Variants in NRIP3 observed in about 807,000 individuals in gnomAD.
NRIP3 encodes nuclear receptor-interacting protein 3.
NRIP3 carries 31 observed loss-of-function variants against 29.0 expected under a neutral mutation model. The observed-to-expected ratio is 1.07, with a 90% CI of 0.80 to 1.44. The LOEUF (loss-of-function observed/expected upper bound fraction) is 1.44, where lower values mean the gene tolerates loss of function less well. NRIP3 is among the 40% of genes most tolerant of loss of function. The pLI, the probability that NRIP3 is intolerant of heterozygous loss-of-function variation, is 0.00. For synonymous variants in NRIP3, 131 were observed against 118.3 expected (o/e 1.11, Z -0.70); for missense variants, 314 against 297.9 (o/e 1.05, Z -0.40).
At position 8,982,289 on chromosome 11, in the gene NRIP3, G is replaced by A. The variant is rs879189112; in HGVS notation, c.*1256C>T. On this transcript the variant is annotated 3_prime_UTR_variant, in exon 7 of 7. Transcript: ENST00000309166. ...ATAAAAAGTTGTCCTTAACATTGCCGGCTCCTGCTCTGCCTCTTTCCTTGT... is the reference window on the plus strand; with the variant it reads ...ATAAAAAGTTGTCCTTAACATTGCCAGCTCCTGCTCTGCCTCTTTCCTTGT... 3 of 152,198 alleles carry A rather than the reference G, an allele frequency of 2.0e-5. No individual in the cohort carries two copies. In the East Asian group the frequency reaches 5.8e-4, roughly 29 times the overall value. 9.4% of individuals were successfully genotyped at this position (152,198 alleles called of 1,614,324 possible).
intron 6 of NRIP3, 138 bp from the exon 7 acceptor site, chr11:8,983,698 G>A: frequency 1.1e-6 from 1 of 902,206 alleles, no homozygotes; most frequent in Admixed American, 2.0e-5. Flanking sequence ...ATTCTGATGT[G>A]TGCACTACAG....
intron 1 of NRIP3, among the ~76,000 whole-genome samples, chr11:8,993,422 T>C (rs1473003795): frequency 6.6e-6 from 1 of 152,198 alleles, no homozygotes; most frequent in African/African-American, 2.4e-5. Context: ...AAATGCTTAT[T>C]TGACCCAAAA....
At chr11:8,988,352 C>A in intron 1 of NRIP3, 70 bp from the exon 2 acceptor site, 2 of 1,325,540 alleles carry the variant, frequency 1.5e-6, no homozygotes, top group South Asian at 1.3e-5. Flanking sequence ...CCCCCAGGTG[C>A]CATAAAAATA....
rs540559655 is a variant in NRIP3, at chr11:9,000,477, T to A, written c.174+3285A>T. ...GTGTTCAACCATCTTTCCCCCAGCA[T>A]CATTCCTAATTCTAGTCAGTTTTGA... On this transcript the variant is annotated intron_variant, in intron 1 of 6. Coordinates refer to ENST00000309166, the MANE Select transcript of NRIP3 (RefSeq NM_020645.3). Among the ~76,000 whole-genome samples the A allele has an allele frequency of 1.6e-4, 24 of 152,330 alleles. No homozygotes were observed. The South Asian group carries it at 4.8e-3, about 30-fold the overall frequency.
chr11:8,983,108 T>C lies in NRIP3; in HGVS notation c.*437A>G. 2 of 435,032 alleles carry C rather than the reference T, an allele frequency of 4.6e-6. No homozygotes were observed. Among genetic ancestry groups the C allele is most frequent in the Non-Finnish European group, 9.1e-6 (2 of 219,918 alleles). 26.9% of individuals were successfully genotyped at this position (435,032 alleles called of 1,614,324 possible). On this transcript the variant is annotated 3_prime_UTR_variant, in exon 7 of 7. Transcript: ENST00000309166. The stretch of plus-strand genomic sequence containing the variant: ...TTGAAGAAACTCTAATTCTAAGACA[T>C]AGGTATCCTGGCACCTGTTTGAAAC...
chr11:9,004,304 G>C (rs959574192), upstream of NRIP3: 1 of 170,224 alleles, frequency 5.9e-6, no homozygotes, highest in Non-Finnish European at 1.2e-5. Context: ...CCGATGCCCT[G>C]GCAGCCCCGG....
intron 2 of NRIP3, 76 bp downstream of exon 2, chr11:8,988,040 ACT>A (rs1854543877): frequency 1.4e-6 from 2 of 1,385,640 alleles, no homozygotes; most frequent in East Asian, 2.3e-5. Context: ...TGAGACCCAC[ACT>A]CTATAAAGTC....
intron 1 of NRIP3, among the ~76,000 whole-genome samples, chr11:9,000,576 T>C (rs982879409): frequency 6.6e-6 from 1 of 152,228 alleles, no homozygotes; most frequent in African/African-American, 2.4e-5. Flanking sequence ...AGTAAGAATA[T>C]GGCCTAATGC....
chr11:8,981,468 A>T lies in NRIP3; in HGVS notation c.*2077T>A, dbSNP rs1409217130. The T allele has an allele frequency of 7.0e-6, 1 of 142,984 alleles. No homozygotes were observed. The highest frequency in any genetic ancestry group is 2.8e-5 in the African/African-American group (1 of 35,178). 8.9% of individuals were successfully genotyped at this position (142,984 alleles called of 1,614,324 possible). A position where few individuals can be genotyped will look rare whatever the true frequency, so the allele number is the denominator to read the frequency against. ...GGGCAACAGAGTGAGACTCTGTCTA[A>T]AAAAAAAAAAAAAAAAAGAATAAAC... On this transcript the variant is annotated 3_prime_UTR_variant, in exon 7 of 7. Transcript: ENST00000309166.
At position 8,988,241 on chromosome 11, in the gene NRIP3, G is replaced by C. The variant is rs761564901; in HGVS notation, c.216C>G (p.Asn72Lys). The C allele has an allele frequency of 1.2e-6, 2 of 1,614,150 alleles. No homozygotes were observed. The highest frequency in any genetic ancestry group is 1.7e-6 in the Non-Finnish European group (2 of 1,180,004). ...NILQRRLMETNLSKLRSGPRV... is the reference protein window; with the variant it reads ...NILQRRLMETKLSKLRSGPRV... The stretch of plus-strand genomic sequence containing the variant: ...GGGGACCGCTTCGGAGCTTAGACAG[G>C]TTGGTTTCCATGAGGCGCCTCTGCA... Residue 72 changes from asparagine to lysine, a missense_variant, in exon 2 of 7, where the codon AAC becomes AAG. By Grantham distance (94) the Asn-to-Lys change is moderately conservative (BLOSUM62 0). Transcript: ENST00000309166.
In NRIP3 at chr11:8,984,284, T is replaced by TG. The variant is rs1854474542; in HGVS notation, c.563-161dup. ...TTTATTTTTTTTTTATTTTTTGAGA[T>TG]GGAGTTTCGCTCTTGTTGCCCAGGC... On this transcript the variant is annotated intron_variant, in intron 4 of 6. Coordinates refer to ENST00000309166, the MANE Select transcript of NRIP3 (RefSeq NM_020645.3). 2.6e-5 allele frequency among the ~76,000 whole-genome samples: 4 copies of TG among 151,892 alleles called. 1 individual carries two copies. In the South Asian group the frequency reaches 8.3e-4, roughly 32 times the overall value.
chr11:9,003,089 C>T (rs1854836582), intron 1 of NRIP3, among the ~76,000 whole-genome samples: 1 of 152,174 alleles, frequency 6.6e-6, no homozygotes, highest in Admixed American at 6.5e-5. Flanking sequence ...TCCAGATGCA[C>T]ACATTAGCTG....
chr11:8,991,049 C>T (rs1382818454), intron 1 of NRIP3, among the ~76,000 whole-genome samples: 1 of 152,114 alleles, frequency 6.6e-6, no homozygotes, highest in Non-Finnish European at 1.5e-5. Flanking sequence ...CACCTGTAAT[C>T]CCAGCACTTT....
rs1005350315 is a variant in NRIP3 at position 8,991,151 on chromosome 11, A to C, written c.175-2869T>G. 4.6e-5 allele frequency among the ~76,000 whole-genome samples: 7 copies of C among 152,078 alleles called. No homozygotes were observed. In the East Asian group the frequency reaches 1.4e-3, roughly 29 times the overall value. On this transcript the variant is annotated intron_variant, in intron 1 of 6. Coordinates refer to ENST00000309166, the MANE Select transcript of NRIP3 (RefSeq NM_020645.3). The stretch of plus-strand genomic sequence containing the variant: ...CCCGTCTCTACTAAAAATACAAAAA[A>C]TTAGCCAGGTGTGGTGGTGGGCGCC...
intron 1 of NRIP3, among the ~76,000 whole-genome samples, chr11:8,993,808 CAAAAA>C (rs35171191): frequency 2.2e-5 from 2 of 92,232 alleles, no homozygotes; most frequent in Non-Finnish European, 4.4e-5. Flanking sequence ...GACCCTGCCT[CAAAAA>C]AAAAAAAAAA....
Position 8,981,174 on chromosome 11 carries a change from A to T in NRIP3, c.*2371T>A, listed in dbSNP as rs1371483388. Reference sequence around the variant, plus strand: ...GAATAATCAACTTGGAGGCATTTAAAGAAAGTGAATGAAGGCCGGGTGCGG... The same window carrying T: ...GAATAATCAACTTGGAGGCATTTAATGAAAGTGAATGAAGGCCGGGTGCGG... On this transcript the variant is annotated 3_prime_UTR_variant, in exon 7 of 7. Transcript: ENST00000309166. 2 of 152,328 alleles carry T rather than the reference A, an allele frequency of 1.3e-5. No homozygotes were observed. The highest frequency in any genetic ancestry group is 4.8e-5 in the African/African-American group (2 of 41,456). The allele number at this position is 152,328 out of a possible 1,614,324, so 9.4% of individuals were successfully genotyped here.
rs2303999 is a variant in NRIP3 at position 8,987,628 on chromosome 11, A to G, written c.342T>C (p.Cys114=). The G allele has an allele frequency of 3.6e-3, 5,811 of 1,612,676 alleles. 266 individuals are homozygous for G. In the East Asian group the frequency reaches 0.1, roughly 29 times the overall value. The change falls in exon 3 of 7, where the codon TGT becomes TGC. Residue 114 remains cysteine, a splice_region_variant and synonymous_variant. Transcript: ENST00000309166. ...CCAAGGCTTTCACATCCTTTCCAGC[A>G]CACTGTGGGGAGGAAATGTACTGTT... is the stretch of plus-strand genomic sequence containing the variant. ...EDDMILVSCQ[C]AGKDVKALVD... is the part of the protein sequence containing the mutation.
chr11:8,988,308 C>T (rs1184265413), intron 1 of NRIP3, 26 bp from the exon 2 acceptor site: 2 of 1,602,412 alleles, frequency 1.2e-6, no homozygotes, highest in Non-Finnish European at 1.7e-6. Context: ...GCAGAGACTT[C>T]TTAGTGACAG....
At chr11:8,998,241 T>C (rs1854741703) in intron 1 of NRIP3, among the ~76,000 whole-genome samples, 1 of 152,202 alleles carries the variant, frequency 6.6e-6, no homozygotes, top group African/African-American at 2.4e-5. Flanking sequence ...GAAACACAGA[T>C]TGTTCTTCAG....
Sources: gnomAD v4.1 joint callset for allele counts (sites outside exome capture counted in the v4.1 genomes callset) on GRCh38, gnomAD v4.1.1 for gene constraint, MANE v1.5 for transcripts, NCBI Gene and HGNC (gene_info 2026-07-23, HGNC 2026-07-21) for gene names.